INF2: variants seen among roughly 807,000 people sequenced by gnomAD.
INF2 encodes inverted formin 2.
A neutral mutation model predicts 123.5 loss-of-function variants in INF2; 43 were observed. That is an observed-to-expected ratio of 0.35 (90% confidence interval 0.27 to 0.45). The LOEUF is 0.45. INF2 is among the 20% of genes least tolerant of loss of function. The pLI is 1.00. For synonymous variants in INF2, 851 were observed against 745.0 expected (o/e 1.14, Z -2.32); for missense variants, 1,453 against 1,682.7 (o/e 0.86, Z 2.39).
chr14:104,712,751 T>G, intron 17 of INF2, 77 bp from the exon 18 acceptor site: 3 of 1,505,606 alleles, frequency 2.0e-6, no homozygotes, highest in Non-Finnish European at 2.7e-6. Context: ...GCCGTCACCC[T>G]CCCGCAACTC....
Position 104,699,352 on chromosome 14 carries a change from G to A in INF2, c.-9-2005G>A, listed in dbSNP as rs1348326036. The A allele has an allele frequency of 2.0e-6, 2 of 977,370 alleles. No individual in the cohort carries two copies. The highest frequency in any genetic ancestry group is 1.8e-5 in the African/African-American group (1 of 57,000). 60.5% of individuals were successfully genotyped at this position (977,370 alleles called of 1,614,324 possible). A position where few individuals can be genotyped will look rare whatever the true frequency, so the allele number is the denominator to read the frequency against. ...GAGGGTCAGTTCTGGGGCCTCTTTA[G>A]GCAGCAACAGCCAAGGCGGGTGGGA... On this transcript the variant is annotated intron_variant, in intron 1 of 22. Transcript: ENST00000392634. The surrounding 1 kb of genome is among the most constrained non-coding windows in gnomAD (Gnocchi z 4.7).
rs115510795 is a variant in INF2, at chr14:104,684,514, A to G, written c.-104+2932A>G. ...ACACAAAGGTTGACATTTACACGCA[A>G]TCCTAGAATGACGGCTCTATGGTGG... On this transcript the variant is annotated intron_variant, in intron 1 of 2. Transcript: ENST00000674723. The surrounding 1 kb of genome is among the most constrained non-coding windows in gnomAD (Gnocchi z 5.0). 380 of 173,046 alleles carry G rather than the reference A, an allele frequency of 2.2e-3. 5 individuals are homozygous for G. The highest frequency in any genetic ancestry group is 8.5e-3 in the African/African-American group (356 of 42,020). The allele number at this position is 173,046 out of a possible 1,614,324, so 10.7% of individuals were successfully genotyped here.
intron 1 of INF2, chr14:104,700,899 G>A: frequency 1.0e-6 from 1 of 983,466 alleles, no homozygotes; most frequent in Non-Finnish European, 1.2e-6. Context: ...GTCCACTGGG[G>A]CGGGGGAAGT....
At chr14:104,700,475 A>T (rs181696843) in intron 1 of INF2, among the ~76,000 whole-genome samples, 1 of 152,016 alleles carries the variant, frequency 6.6e-6, no homozygotes, top group Non-Finnish European at 1.5e-5. Context: ...TAAGCCATAC[A>T]TGGTTGCAGG....
At position 104,701,371 on chromosome 14, in the gene INF2, G is replaced by C. The variant is rs1467782118; in HGVS notation, c.6G>C (p.Ser2=). The part of the protein sequence containing the change: M[S]VKEGAQRKWA... ...TCTGCCTGCAGCTCGGCAAGATGTC[G>C]GTGAAGGAGGGCGCACAGCGCAAGT... is the stretch of plus-strand genomic sequence containing the variant. The change falls in exon 2 of 23, where the codon TCG becomes TCC. Residue 2 remains serine, a synonymous_variant. Transcript: ENST00000392634. 3 of 1,580,880 alleles carry C rather than the reference G, an allele frequency of 1.9e-6. No individual in the cohort carries two copies. The highest frequency in any genetic ancestry group is 2.7e-5 in the African/African-American group (2 of 74,202).
In INF2 at chr14:104,699,389, G is replaced by C; in HGVS notation, c.-9-1968G>C. ...CAAGGCGGGTGGGAATATATGCAGA[G>C]GCCCGGCTGCCTGGCTCTTCATGGT... On this transcript the variant is annotated intron_variant, in intron 1 of 22. Transcript: ENST00000392634. This position sits in a 1 kb window ranked among gnomAD's most constrained non-coding sequence, Gnocchi z 4.7. 2 of 985,374 alleles carry C rather than the reference G, an allele frequency of 2.0e-6. No homozygotes were observed. Among genetic ancestry groups the C allele is most frequent in the Non-Finnish European group, 2.4e-6 (2 of 829,906 alleles). The allele number at this position is 985,374 out of a possible 1,614,324, so 61.0% of individuals were successfully genotyped here. A position where few individuals can be genotyped will look rare whatever the true frequency, so the allele number is the denominator to read the frequency against.
intron 1 of INF2, chr14:104,681,724 C>A: frequency 1.6e-6 from 1 of 623,304 alleles, no homozygotes; most frequent in Non-Finnish European, 2.5e-6. Context: ...TGGTGCAGAG[C>A]CGGGACAGCC....
chr14:104,708,228 C>T (rs968331160), intron 8 of INF2: 15 of 865,196 alleles, frequency 1.7e-5, no homozygotes, highest in Admixed American at 5.1e-5. Flanking sequence ...CTCCCGTGAG[C>T]CAGTGCATCT....
At chr14:104,709,769 G>A (rs1889957140) in intron 12 of INF2, 64 bp downstream of exon 12, 1 of 1,410,294 alleles carries the variant, frequency 7.1e-7, no homozygotes, top group Non-Finnish European at 1.0e-6. Context: ...CAGGAATAGG[G>A]AGCAGGGCCC....
rs376094545 is a variant in INF2 at position 104,712,521 on chromosome 14, G to A, written c.2578G>A (p.Glu860Lys). The A allele has an allele frequency of 9.9e-6, 16 of 1,612,684 alleles. No individual in the cohort carries two copies. Among genetic ancestry groups the A allele is most frequent in the Admixed American group, 3.3e-5 (2 of 60,026 alleles). The change falls in exon 17 of 23, where the codon GAG (glutamate) becomes AAG (lysine). Residue 860 changes from glutamate to lysine, a missense_variant. Glu to Lys is a moderately conservative substitution (Grantham distance 56). Coordinates refer to ENST00000392634, the MANE Select transcript of INF2 (RefSeq NM_022489.4). ...GCGGAAGGTGTCTGCCTCCGTGGCC[G>A]AGGTCCAGGAGCAGTACACCGAGCG... The part of the protein sequence containing the change: ...TERKVSASVA[E>K]VQEQYTERLQ...
At chr14:104,693,297 G>A (rs1889040279) in intron 1 of INF2, among the ~76,000 whole-genome samples, 1 of 152,180 alleles carries the variant, frequency 6.6e-6, no homozygotes, top group East Asian at 1.9e-4. Flanking sequence ...GGGTGGATTG[G>A]AGGGCTGTCC....
chr14:104,686,944 C>T (rs942008689), upstream of INF2, among the ~76,000 whole-genome samples: 1 of 152,222 alleles, frequency 6.6e-6, no homozygotes, highest in Non-Finnish European at 1.5e-5. Flanking sequence ...CCTACAGTGG[C>T]AGGGCCACTC....
intron 16 of INF2, 60 bp from the exon 17 acceptor site, chr14:104,712,373 T>C: frequency 1.2e-6 from 2 of 1,606,166 alleles, no homozygotes; most frequent in Non-Finnish European, 1.7e-6. Flanking sequence ...GGGGCTCCCC[T>C]GTCCCAGCGA....
chr14:104,689,559 C>A (rs1476757120), upstream of INF2: 8 of 927,464 alleles, frequency 8.6e-6, no homozygotes, highest in South Asian at 4.0e-4. Flanking sequence ...CCCACGTGGC[C>A]GCTGACGGGC....
chr14:104,704,101 A>G (rs1889664966), intron 5 of INF2, 152 bp downstream of exon 5: 1 of 1,492,234 alleles, frequency 6.7e-7, no homozygotes, highest in African/African-American at 1.4e-5. Flanking sequence ...GTCCAGCCAG[A>G]AGCCAGGTCT....
rs1260381635 is a variant in INF2 at position 104,708,510 on chromosome 14, C to T, written c.1810C>T (p.Arg604Ter). 2 of 1,612,448 alleles carry T rather than the reference C, an allele frequency of 1.2e-6. No homozygotes were observed. The highest frequency in any genetic ancestry group is 1.1e-5 in the South Asian group (1 of 91,082). The part of the protein sequence containing the change: ...AVEPDFSSIE[R>*]LFSFPAAKPK... Reference sequence around the variant, plus strand: ...GGAGCCCGACTTCTCCAGCATCGAGCGACTATTCTCCTTCCCTGCAGCCAA... The same window carrying T: ...GGAGCCCGACTTCTCCAGCATCGAGTGACTATTCTCCTTCCCTGCAGCCAA... The change falls in exon 9 of 23, where the codon CGA (arginine) becomes TGA (stop). Residue 604 changes from arginine (R) to a stop codon, truncating the protein, a stop_gained. Transcript: ENST00000392634. LOFTEE classifies it high-confidence loss of function.
chr14:104,688,372 G>A (rs1566770163), upstream of INF2, among the ~76,000 whole-genome samples: 1 of 152,238 alleles, frequency 6.6e-6, no homozygotes, highest in Non-Finnish European at 1.5e-5. Context: ...GCACACCAAA[G>A]CCAAAGGACA....
chr14:104,703,163 G>A lies in INF2; in HGVS notation c.450G>A (p.Leu150=). 1.9e-6 allele frequency: 3 copies of A among 1,613,616 alleles called. No homozygotes were observed. Among genetic ancestry groups the A allele is most frequent in the Non-Finnish European group, 2.5e-6 (3 of 1,179,942 alleles). ...KKQVFELLAA[L]CIYSPEGHVL... ...AGGTGTTTGAGCTACTGGCTGCCCT[G>A]TGCATCTACTCTCCCGAGGGCCACG... The change falls in exon 3 of 23, where the codon CTG becomes CTA. Residue 150 remains leucine (L), a synonymous_variant. Coordinates refer to ENST00000392634, the MANE Select transcript of INF2 (RefSeq NM_022489.4).
chr14:104,681,781 T>C (rs990273892), intron 1 of INF2, among the ~76,000 whole-genome samples: 1 of 152,064 alleles, frequency 6.6e-6, no homozygotes, highest in Non-Finnish European at 1.5e-5. Context: ...CAGGTGAGGA[T>C]GGGGGCTGGA....
Sources: gnomAD v4.1 joint callset for allele counts (sites outside exome capture counted in the v4.1 genomes callset) on GRCh38, gnomAD v4.1.1 for gene constraint, Gnocchi (gnomAD v3.1) non-coding constraint, MANE v1.5 for transcripts, NCBI Gene and HGNC (gene_info 2026-07-23, HGNC 2026-07-21) for gene names.